BTBD3: variants seen among roughly 807,000 people sequenced by gnomAD.
The protein encoded by BTBD3 is BTB/POZ domain-containing protein 3.
BTBD3 carries 14 observed loss-of-function variants against 41.6 expected under a neutral mutation model. That is an observed-to-expected ratio of 0.34 (90% CI 0.22 to 0.53). The LOEUF (loss-of-function observed/expected upper bound fraction) is 0.53, where lower values mean the gene tolerates loss of function less well. Among genes scored for constraint, BTBD3 ranks in the 20% least tolerant of loss-of-function variants. The probability of loss-of-function intolerance (pLI) is 0.95; values close to 1 mark genes in which losing one functional copy is unlikely to be tolerated. For missense variants in BTBD3, 426 were observed against 654.7 expected, an observed-to-expected ratio of 0.65 and a Z score of 3.81; for synonymous variants, 249 against 233.7, an observed-to-expected ratio of 1.07 and a Z score of -0.60.
chr20:11,912,733 T>A (rs1461407041), intron 1 of BTBD3, among the ~76,000 whole-genome samples: 1 of 152,240 alleles, frequency 6.6e-6, no homozygotes, highest in Non-Finnish European at 1.5e-5. Context: ...AATCTTGCCT[T>A]CACAATAAAC....
intron 3 of BTBD3, 75 bp from the exon 4 acceptor site, chr20:11,922,559 A>ATCTTTTCT: frequency 7.4e-7 from 1 of 1,355,204 alleles, no homozygotes; most frequent in East Asian, 2.3e-5. Flanking sequence ...ACAAACTTGA[A>ATCTTTTCT]AGTGGTTGTA....
chr20:11,897,294 G>A (rs1397394105), intron 1 of BTBD3, among the ~76,000 whole-genome samples: 1 of 152,052 alleles, frequency 6.6e-6, no homozygotes, highest in Non-Finnish European at 1.5e-5. Context: ...ACGTGAATAT[G>A]TGAAAGACGC....
At chr20:11,915,517 A>T (rs1033530150), upstream of BTBD3, among the ~76,000 whole-genome samples, 3 of 152,142 alleles carry the variant, frequency 2.0e-5, no homozygotes, top group Admixed American at 1.3e-4. Context: ...ATACTGTATG[A>T]AATGCAGATT....
chr20:11,896,232 G>A (rs534026844), intron 1 of BTBD3, among the ~76,000 whole-genome samples: 11 of 152,062 alleles, frequency 7.2e-5, no homozygotes, highest in Non-Finnish European at 1.5e-4. Context: ...GAATCCTAAT[G>A]TTTCCTGTTA....
At position 11,918,558 on chromosome 20, in the gene BTBD3, C is replaced by T. The variant is rs760126893; in HGVS notation, c.283C>T (p.Pro95Ser). 27 of 1,612,908 alleles carry T rather than the reference C, an allele frequency of 1.7e-5. No individual in the cohort carries two copies. In the South Asian group the frequency reaches 2.8e-4, roughly 16 times the overall value. ...QQNLSNNNLI[P>S]APNWQGLYPT... The stretch of plus-strand genomic sequence containing the variant: ...GAATCTCAGTAACAACAACCTTATC[C>T]CGGCCCCAAACTGGCAGGGTCTTTA... The change falls in exon 1 of 4, where the codon CCG (proline) becomes TCG (serine). Residue 95 changes from proline to serine, a missense_variant. This residue lies in a region of BTBD3 where 52 missense variants were observed against 45.1 expected (regional missense o/e 1.15). Coordinates refer to ENST00000378226, the MANE Select transcript of BTBD3 (RefSeq NM_014962.4).
At chr20:11,908,244 G>A (rs1010500190) in intron 1 of BTBD3, among the ~76,000 whole-genome samples, 1 of 148,214 alleles carries the variant, frequency 6.7e-6, no homozygotes. Flanking sequence ...CCTTGGTCTG[G>A]TTCCAGTCAT....
rs1372337486 is a variant in BTBD3 at position 11,924,441 on chromosome 20, AAGAC to A, written c.*778_*781del. 2 of 152,434 alleles carry A rather than the reference AAGAC, an allele frequency of 1.3e-5. No individual in the cohort carries two copies. Among genetic ancestry groups the A allele is most frequent in the Non-Finnish European group, 2.9e-5 (2 of 68,034 alleles). 9.4% of individuals were successfully genotyped at this position (152,434 alleles called of 1,614,324 possible). A position where few individuals can be genotyped will look rare whatever the true frequency, so the allele number is the denominator to read the frequency against. On this transcript the variant is annotated 3_prime_UTR_variant, in exon 4 of 4. Transcript: ENST00000378226. Reference sequence around the variant, plus strand: ...AGTTAAACTCCTACTAATTTAAACTAAGACAGTTTAAAAAGGAAGCCTGAAAAAG... The same window carrying A: ...AGTTAAACTCCTACTAATTTAAACTAAGTTTAAAAAGGAAGCCTGAAAAAG...
chr20:11,905,178 G>C (rs1398720051), intron 1 of BTBD3, among the ~76,000 whole-genome samples: 1 of 152,120 alleles, frequency 6.6e-6, no homozygotes, highest in Admixed American at 6.5e-5. Context: ...AATACTGTCA[G>C]TTTTCCTTGC....
At chr20:11,910,387 T>G (rs1417319945) in intron 1 of BTBD3, 2 of 152,308 alleles carry the variant, frequency 1.3e-5, no homozygotes, top group African/African-American at 4.8e-5. Flanking sequence ...GTTGTTCCAT[T>G]CCAGCATTCC....
At chr20:11,897,408 G>T (rs955783133) in intron 1 of BTBD3, among the ~76,000 whole-genome samples, 6 of 138,092 alleles carry the variant, frequency 4.3e-5, no homozygotes, top group East Asian at 2.3e-4. Context: ...AGTAATTGTG[G>T]TTTTTTGCAT....
chr20:11,916,194 T>G (rs1475423241), upstream of BTBD3, among the ~76,000 whole-genome samples: 1 of 152,190 alleles, frequency 6.6e-6, no homozygotes, highest in Non-Finnish European at 1.5e-5. Flanking sequence ...CAGAAAGGCC[T>G]ACCTGGCATG....
chr20:11,911,615 G>A lies in BTBD3; in HGVS notation c.-125-6719G>A, dbSNP rs370949510. ...CTCATAATGTTTTAAGAAAGGTGGC[G>A]AATTTGTTTGAGGCTGCATTCAAAG... On this transcript the variant is annotated intron_variant, in intron 1 of 4. Coordinates refer to the BTBD3 transcript ENST00000254977. Among the ~76,000 whole-genome samples the A allele has an allele frequency of 2.1e-4, 32 of 152,276 alleles. No individual in the cohort carries two copies. The East Asian group carries it at 2.5e-3, about 12-fold the overall frequency.
At chr20:11,902,880 C>T (rs6078381) in intron 1 of BTBD3, among the ~76,000 whole-genome samples, 110,735 of 151,908 alleles carry the variant, frequency 0.73, 40,787 homozygotes, top group Non-Finnish European at 0.78. Flanking sequence ...ACATGTTTTA[C>T]CCATTAATGA....
At chr20:11,892,372 AG>A (rs1452908740) in intron 1 of BTBD3, 2 of 152,154 alleles carry the variant, frequency 1.3e-5, no homozygotes, top group Non-Finnish European at 2.9e-5. Flanking sequence ...AACCTGAGGG[AG>A]GATCTTCCTC....
In BTBD3 at chr20:11,921,244, A is replaced by G. The variant is rs746234976; in HGVS notation, c.537-1390A>G. Among the ~76,000 whole-genome samples, 8 of 152,268 alleles carry G rather than the reference A, an allele frequency of 5.3e-5. 1 individual carries two copies. Among genetic ancestry groups the G allele is most frequent in the Non-Finnish European group, 7.3e-5 (5 of 68,042 alleles). Reference sequence around the variant, plus strand: ...GAAACATGAACAAGAATGGCAGAGAATTACATCTCACCTAAGTCATTTGAT... The same window carrying G: ...GAAACATGAACAAGAATGGCAGAGAGTTACATCTCACCTAAGTCATTTGAT... On this transcript the variant is annotated intron_variant, in intron 3 of 3. Coordinates refer to ENST00000378226, the MANE Select transcript of BTBD3 (RefSeq NM_014962.4).
Position 11,918,604 on chromosome 20 carries a change from A to G in BTBD3, c.326+3A>G. The G allele has an allele frequency of 6.3e-7, 1 of 1,583,618 alleles. No individual in the cohort carries two copies. The highest frequency in any genetic ancestry group is 8.6e-7 in the Non-Finnish European group (1 of 1,168,672). On this transcript the variant is annotated splice_donor_region_variant and intron_variant, in intron 1 of 3. Coordinates refer to ENST00000378226, the MANE Select transcript of BTBD3 (RefSeq NM_014962.4). ...CTTTATCCCACCATTAGAGAGAGGT[A>G]AGTGCCGCGCTAGTCTATTTACTTT...
At chr20:11,902,768 G>A (rs1057458954) in intron 1 of BTBD3, among the ~76,000 whole-genome samples, 1 of 152,130 alleles carries the variant, frequency 6.6e-6, no homozygotes, top group African/African-American at 2.4e-5. Flanking sequence ...ACTGGGAATG[G>A]CACTATATAC....
chr20:11,925,584 A>C lies in BTBD3; in HGVS notation c.*1918A>C, dbSNP rs566683470. On this transcript the variant is annotated 3_prime_UTR_variant, in exon 4 of 4. Coordinates refer to ENST00000378226, the MANE Select transcript of BTBD3 (RefSeq NM_014962.4). ...GGGGAGATTACAGGTAGTTTGGCAAAGCATTGAAGTACAAAGGTACATTTT... is the reference window on the plus strand; with the variant it reads ...GGGGAGATTACAGGTAGTTTGGCAACGCATTGAAGTACAAAGGTACATTTT... The C allele has an allele frequency of 6.5e-6, 1 of 152,790 alleles. No individual in the cohort carries two copies. Among genetic ancestry groups the C allele is most frequent in the South Asian group, 2.1e-4 (1 of 4,830 alleles). The allele number at this position is 152,790 out of a possible 1,614,324, so 9.5% of individuals were successfully genotyped here.
At chr20:11,901,431 C>T (rs372439880) in intron 1 of BTBD3, among the ~76,000 whole-genome samples, 174 of 152,314 alleles carry the variant, frequency 1.1e-3, no homozygotes, top group African/African-American at 4.0e-3. Context: ...TGCACATGTG[C>T]AGTCACTTTT....
Sources: allele counts gnomAD v4.1 joint callset (sites outside exome capture counted in the v4.1 genomes callset), GRCh38; gene constraint gnomAD v4.1.1; regional missense constraint gnomAD v4.1.1; transcripts MANE v1.5; gene names NCBI Gene and HGNC (gene_info 2026-07-23, HGNC 2026-07-21).